Variants in ADK observed in about 807,000 individuals in gnomAD.
ADK encodes the protein N6,N6-dimethyladenosine kinase.
A neutral mutation model predicts 44.7 loss-of-function variants in ADK; 24 were observed. The observed-to-expected ratio is 0.54, with a 90% CI of 0.39 to 0.76. ADK has a LOEUF of 0.76. Among genes scored for constraint, ADK ranks in the 30% least tolerant of loss-of-function variants. The probability of loss-of-function intolerance (pLI) is 0.00; values close to 1 mark genes in which losing one functional copy is unlikely to be tolerated. For synonymous variants in ADK, 128 were observed against 142.6 expected, an observed-to-expected ratio of 0.90 and a Z score of 0.73; for missense variants, 321 against 425.1, an observed-to-expected ratio of 0.76 and a Z score of 2.15.
chr10:74,519,790 T>C (rs1397634698), intron 6 of ADK, among the ~76,000 whole-genome samples: 2 of 152,004 alleles, frequency 1.3e-5, no homozygotes, highest in East Asian at 1.9e-4. Flanking sequence ...GTTTGTTTAA[T>C]TTTTAGTCTA....
intron 4 of ADK, among the ~76,000 whole-genome samples, chr10:74,379,810 G>A (rs550097838): frequency 6.6e-6 from 1 of 152,292 alleles, no homozygotes; most frequent in South Asian, 2.1e-4. Context: ...AGGATAACTT[G>A]AGGCCAGGAG....
At chr10:74,505,048 G>C (rs1700299847) in intron 6 of ADK, among the ~76,000 whole-genome samples, 1 of 152,094 alleles carries the variant, frequency 6.6e-6, no homozygotes, top group South Asian at 2.1e-4. Context: ...TGAAGAGGAG[G>C]GTGGGGAAGA....
At chr10:74,206,932 C>T (rs1376652789) in intron 2 of ADK, among the ~76,000 whole-genome samples, 2 of 152,158 alleles carry the variant, frequency 1.3e-5, no homozygotes, top group African/African-American at 4.8e-5. Context: ...CAGGCTTGTT[C>T]TGCTTGTTTG....
At chr10:74,649,939 G>A (rs570450567) in intron 9 of ADK, among the ~76,000 whole-genome samples, 9 of 152,170 alleles carry the variant, frequency 5.9e-5, no homozygotes, top group Non-Finnish European at 1.3e-4. Context: ...ACCTGATTGT[G>A]AGGAGTAGAA....
intron 6 of ADK, among the ~76,000 whole-genome samples, chr10:74,484,411 C>T (rs1355574837): frequency 6.6e-6 from 1 of 152,180 alleles, no homozygotes; most frequent in East Asian, 1.9e-4. Flanking sequence ...GATGGGAACA[C>T]AAATCTAAAC....
At chr10:74,400,291 G>A (rs1441433009) in intron 6 of ADK, among the ~76,000 whole-genome samples, 1 of 152,136 alleles carries the variant, frequency 6.6e-6, no homozygotes, top group East Asian at 1.9e-4. Flanking sequence ...TAAAAAGAAT[G>A]ATCTCTTACA....
intron 6 of ADK, among the ~76,000 whole-genome samples, chr10:74,423,069 A>G (rs549285520): frequency 1.3e-5 from 2 of 152,300 alleles, no homozygotes; most frequent in South Asian, 4.1e-4. Flanking sequence ...GAGGGAAAGA[A>G]AGGGTAGCTG....
intron 3 of ADK, among the ~76,000 whole-genome samples, chr10:74,287,982 C>CA (rs367569110): frequency 0.23 from 15,458 of 68,084 alleles, 1,309 homozygotes; most frequent in Middle Eastern, 0.31. Context: ...GACCCTGTCT[C>CA]AAAAAAAAAA....
intron 2 of ADK, among the ~76,000 whole-genome samples, chr10:74,210,784 A>G (rs1414295325): frequency 2.1e-5 from 3 of 142,826 alleles, no homozygotes; most frequent in Non-Finnish European, 4.5e-5. Flanking sequence ...GAAAGTGAAA[A>G]AAATATTTAG....
chr10:74,558,029 G>A (rs1189603762), intron 7 of ADK, among the ~76,000 whole-genome samples: 3 of 152,144 alleles, frequency 2.0e-5, no homozygotes, highest in Non-Finnish European at 4.4e-5. Flanking sequence ...AAGCCACGAT[G>A]CACTGGGTCA....
chr10:74,695,634 G>T (rs2134281648), intron 10 of ADK, among the ~76,000 whole-genome samples: 1 of 150,892 alleles, frequency 6.6e-6, no homozygotes, highest in East Asian at 2.0e-4. Context: ...GTGTGTGTGT[G>T]TGTGTGTGTG....
chr10:74,500,194 T>C (rs534909713), intron 6 of ADK, among the ~76,000 whole-genome samples: 10 of 152,320 alleles, frequency 6.6e-5, no homozygotes, highest in Admixed American at 6.5e-4. Context: ...CAGATCATAT[T>C]AGAACTGCCT....
chr10:74,300,321 T>C (rs1592009806), intron 3 of ADK, among the ~76,000 whole-genome samples: 2 of 119,200 alleles, frequency 1.7e-5, no homozygotes, highest in African/African-American at 3.2e-5. Context: ...TTTCCTTCCT[T>C]CCTTCCTTCC....
intron 6 of ADK, among the ~76,000 whole-genome samples, chr10:74,419,428 A>T (rs543092171): frequency 1.3e-5 from 2 of 152,152 alleles, no homozygotes; most frequent in Non-Finnish European, 2.9e-5. Context: ...GAACCATCAC[A>T]GTTTATTTAC....
chr10:74,301,971 T>C (rs1467442309), intron 3 of ADK, among the ~76,000 whole-genome samples: 1 of 151,960 alleles, frequency 6.6e-6, no homozygotes, highest in Non-Finnish European at 1.5e-5. Flanking sequence ...ATCAGCAGAG[T>C]GTGTCCTGTA....
At position 74,425,825 on chromosome 10, in the gene ADK, C is replaced by A. The variant is rs552127505; in HGVS notation, c.555+27246C>A. Among the ~76,000 whole-genome samples the A allele has an allele frequency of 9.9e-5, 15 of 152,240 alleles. No individual in the cohort carries two copies. In the South Asian group the frequency reaches 3.1e-3, roughly 32 times the overall value. Reference sequence around the variant, plus strand: ...CAGCAATATACTTCAAAAAAAGATTCTTTTGTTTTCTTTTTATTTTAACCC... The same window carrying A: ...CAGCAATATACTTCAAAAAAAGATTATTTTGTTTTCTTTTTATTTTAACCC... On this transcript the variant is annotated intron_variant, in intron 6 of 10. Transcript: ENST00000539909.
intron 2 of ADK, among the ~76,000 whole-genome samples, chr10:74,201,195 A>G (rs1273766469): frequency 6.6e-6 from 1 of 152,232 alleles, no homozygotes; most frequent in Admixed American, 6.5e-5. Context: ...GAATGTGCCC[A>G]GTCTGGTTTC....
At chr10:74,352,054 TAA>T (rs879358173) in intron 4 of ADK, among the ~76,000 whole-genome samples, 9 of 142,640 alleles carry the variant, frequency 6.3e-5, no homozygotes, top group African/African-American at 7.7e-5. Context: ...TTCGCAGAGT[TAA>T]AAAAAAAAAA....
At chr10:74,433,017 C>G (rs1223301040) in intron 6 of ADK, among the ~76,000 whole-genome samples, 3 of 152,148 alleles carry the variant, frequency 2.0e-5, no homozygotes, top group African/African-American at 4.8e-5. Context: ...AGTGACTCAG[C>G]AGTAGCTCTA....
Sources: gnomAD v4.1 joint callset for allele counts (sites outside exome capture counted in the v4.1 genomes callset) on GRCh38, gnomAD v4.1.1 for gene constraint, MANE v1.5 for transcripts, NCBI Gene and HGNC (gene_info 2026-07-23, HGNC 2026-07-21) for gene names.